The following MAGI2 variants were observed in gnomAD, a reference collection of about 807,000 sequenced individuals.
The protein encoded by MAGI2 is membrane associated guanylate kinase, WW and PDZ domain containing 2.
A neutral mutation model predicts 133.3 loss-of-function variants in MAGI2; 35 were observed. That is an observed-to-expected ratio of 0.26 (90% CI 0.20 to 0.35). The LOEUF is 0.35. Among genes scored for constraint, MAGI2 ranks in the 10% least tolerant of loss-of-function variants. The pLI is 1.00. For missense variants in MAGI2, 1,636 were observed against 1,863.4 expected, an observed-to-expected ratio of 0.88 and a Z score of 2.25; for synonymous variants, 729 against 710.6, an observed-to-expected ratio of 1.03 and a Z score of -0.41.
intron 10 of MAGI2, among the ~76,000 whole-genome samples, chr7:78,243,236 C>T (rs1791349370): frequency 2.5e-5 from 1 of 39,420 alleles, no homozygotes; most frequent in Non-Finnish European, 6.6e-5. Context: ...CACACACACA[C>T]ACACACACAC....
chr7:78,154,142 G>T (rs906415997), intron 16 of MAGI2, among the ~76,000 whole-genome samples: 1 of 152,166 alleles, frequency 6.6e-6, no homozygotes, highest in African/African-American at 2.4e-5. Flanking sequence ...TAAAAGACCT[G>T]TTAGTGAAGT....
chr7:78,368,463 G>C (rs555488381), intron 7 of MAGI2, among the ~76,000 whole-genome samples: 96 of 152,224 alleles, frequency 6.3e-4, no homozygotes, highest in African/African-American at 2.2e-3. Flanking sequence ...TTATACGATA[G>C]ATAAGAATGA....
At chr7:78,493,303 G>A (rs190461498) in intron 5 of MAGI2, among the ~76,000 whole-genome samples, 33 of 152,258 alleles carry the variant, frequency 2.2e-4, no homozygotes, top group Admixed American at 2.0e-3. Context: ...TATCTTCTGA[G>A]AAAACATTCT....
chr7:79,114,745 C>T (rs1486544836), intron 1 of MAGI2, among the ~76,000 whole-genome samples: 1 of 152,118 alleles, frequency 6.6e-6, no homozygotes, highest in Non-Finnish European at 1.5e-5. Flanking sequence ...CAAGTGACCA[C>T]AGAAAATACT....
chr7:79,158,905 T>C (rs943685079), intron 1 of MAGI2, among the ~76,000 whole-genome samples: 1 of 152,032 alleles, frequency 6.6e-6, no homozygotes, highest in Non-Finnish European at 1.5e-5. Context: ...TATAGGAAAA[T>C]ATTTTTTAAT....
chr7:78,521,498 A>G lies in MAGI2; in HGVS notation c.686T>C (p.Ile229Thr), dbSNP rs370238255. The G allele has an allele frequency of 4.3e-6, 7 of 1,614,116 alleles. No individual in the cohort carries two copies. The South Asian group carries it at 7.7e-5, about 18-fold the overall frequency. Residue 229 changes from isoleucine to threonine, a missense_variant, in exon 4 of 22, where the codon ATA becomes ACA. Around this residue, in one of 5 missense-constraint regions of MAGI2, gnomAD observed 165 missense variants for 128.4 expected, o/e 1.28. Transcript: ENST00000354212. Reference protein sequence around the residue: ...KSVSNMEKASIEPPEEEEEER... With the variant: ...KSVSNMEKASTEPPEEEEEER... ...TTCCTCTTCCTCCTCAGGAGGCTCT[A>G]TACTGGCTTTCTCCATGTTGCTCAC...
At chr7:79,255,419 G>T (rs1310048685) in intron 1 of MAGI2, among the ~76,000 whole-genome samples, 1 of 152,134 alleles carries the variant, frequency 6.6e-6, no homozygotes, top group African/African-American at 2.4e-5. Context: ...GGTAATGCAA[G>T]CACCACTGAG....
chr7:78,904,583 G>T (rs1156232454), intron 2 of MAGI2, among the ~76,000 whole-genome samples: 1 of 147,134 alleles, frequency 6.8e-6, no homozygotes, highest in Non-Finnish European at 1.5e-5. Context: ...GAGCACAGTG[G>T]CACCTTCTCG....
chr7:79,087,511 C>A (rs1037450620), intron 1 of MAGI2, among the ~76,000 whole-genome samples: 4 of 151,786 alleles, frequency 2.6e-5, no homozygotes, highest in Admixed American at 2.0e-4. Flanking sequence ...GAGCATTTAA[C>A]AAATGTTTAG....
At chr7:78,649,738 G>A (rs1251215753) in intron 2 of MAGI2, among the ~76,000 whole-genome samples, 3 of 152,162 alleles carry the variant, frequency 2.0e-5, no homozygotes, top group South Asian at 2.1e-4. Flanking sequence ...ATAGGTATCA[G>A]GTCATACAGA....
At chr7:79,252,541 C>T (rs1235058216) in intron 1 of MAGI2, among the ~76,000 whole-genome samples, 1 of 151,992 alleles carries the variant, frequency 6.6e-6, no homozygotes, top group Non-Finnish European at 1.5e-5. Context: ...TATTTGTTAG[C>T]ACAACAGGGT....
intron 21 of MAGI2, among the ~76,000 whole-genome samples, chr7:78,028,170 C>T (rs924660465): frequency 2.0e-5 from 3 of 152,164 alleles, no homozygotes; most frequent in Non-Finnish European, 2.9e-5. Context: ...AATTGCAGAA[C>T]AAATGGTTTT....
intron 21 of MAGI2, among the ~76,000 whole-genome samples, chr7:78,049,401 G>GT (rs1295028087): frequency 6.6e-6 from 1 of 152,198 alleles, no homozygotes; most frequent in Non-Finnish European, 1.5e-5. Flanking sequence ...CAGAGTTGAA[G>GT]TTTTTTCCTT....
intron 9 of MAGI2, among the ~76,000 whole-genome samples, chr7:78,273,222 A>G (rs954531839): frequency 1.3e-5 from 2 of 152,144 alleles, no homozygotes; most frequent in African/African-American, 4.8e-5. Flanking sequence ...CTGGAGATGA[A>G]ATTCTGGGTT....
chr7:78,520,776 CAT>C (rs1796428143), intron 4 of MAGI2, among the ~76,000 whole-genome samples: 2 of 146,184 alleles, frequency 1.4e-5, no homozygotes, highest in Admixed American at 1.4e-4. Flanking sequence ...TAATTCTTCA[CAT>C]ATGTGGTACA....
chr7:79,324,655 TTATATATATATAAAATATATATATATTA>T (rs1839521196), intron 1 of MAGI2, among the ~76,000 whole-genome samples: 2 of 572 alleles, frequency 3.5e-3, no homozygotes, highest in Admixed American at 0.036. Flanking sequence ...TATATATATA[TTATATATATATAAAATATATATATATTA>T]TATATATATA....
intron 1 of MAGI2, among the ~76,000 whole-genome samples, chr7:79,099,361 T>A (rs1817772069): frequency 6.6e-6 from 1 of 152,144 alleles, no homozygotes; most frequent in Non-Finnish European, 1.5e-5. Context: ...GATCTTAAAT[T>A]CACCTATAAG....
chr7:78,968,597 A>T (rs572972507), intron 2 of MAGI2, among the ~76,000 whole-genome samples: 2 of 152,168 alleles, frequency 1.3e-5, no homozygotes, highest in Non-Finnish European at 2.9e-5. Context: ...TGATCTTCAT[A>T]GTATAGCACT....
At chr7:78,573,255 TAA>T (rs1491534966) in intron 3 of MAGI2, among the ~76,000 whole-genome samples, 5 of 33,522 alleles carry the variant, frequency 1.5e-4, no homozygotes, top group African/African-American at 2.1e-4. Context: ...TAAATATATA[TAA>T]ATATAAATAT....
Sources: allele counts gnomAD v4.1 joint callset (sites outside exome capture counted in the v4.1 genomes callset), GRCh38; gene constraint gnomAD v4.1.1; regional missense constraint gnomAD v4.1.1; transcripts MANE v1.5; gene names NCBI Gene and HGNC (gene_info 2026-07-23, HGNC 2026-07-21).